NCS1: variants seen among roughly 807,000 people sequenced by gnomAD.
The protein encoded by NCS1 is neuronal calcium sensor 1.
A neutral mutation model predicts 28.4 loss-of-function variants in NCS1; 6 were observed. That is an observed-to-expected ratio of 0.21 (90% CI 0.12 to 0.42). The LOEUF (loss-of-function observed/expected upper bound fraction) is 0.42, where lower values mean the gene tolerates loss of function less well. NCS1 is among the 10% of genes least tolerant of loss of function. The pLI is 1.00. For synonymous variants in NCS1, 86 were observed against 99.3 expected, an observed-to-expected ratio of 0.87 and a Z score of 0.79; for missense variants, 131 against 241.4, an observed-to-expected ratio of 0.54 and a Z score of 3.03.
intron 6 of NCS1, among the ~76,000 whole-genome samples, chr9:130,225,085 G>A (rs1259674864): frequency 6.6e-6 from 1 of 152,158 alleles, no homozygotes. Flanking sequence ...CCAGCTACTC[G>A]GGAGGCTGAA....
Position 130,192,892 on chromosome 9 carries a change from T to C in NCS1, c.65-8066T>C, listed in dbSNP as rs1780747517. Among the ~76,000 whole-genome samples the C allele has an allele frequency of 6.6e-6, 1 of 152,180 alleles. No homozygotes were observed. The highest frequency in any genetic ancestry group is 1.5e-5 in the Non-Finnish European group (1 of 68,030). On this transcript the variant is annotated intron_variant, in intron 1 of 7. Transcript: ENST00000372398. The surrounding 1 kb of genome is among the most constrained non-coding windows in gnomAD (Gnocchi z 4.8). ...CTTTTCTGTCCTCCCCACCTCCCAG[T>C]GTGCGGTACTCCATGGTTGGCACAG...
intron 2 of NCS1, among the ~76,000 whole-genome samples, chr9:130,201,366 G>A (rs929956598): frequency 1.3e-5 from 2 of 152,158 alleles, no homozygotes; most frequent in African/African-American, 4.8e-5. Context: ...TAGAATGATC[G>A]ATTCGATTGG....
chr9:130,203,958 A>G (rs1832991825), intron 2 of NCS1, among the ~76,000 whole-genome samples: 2 of 152,182 alleles, frequency 1.3e-5, no homozygotes, highest in South Asian at 2.1e-4. Context: ...AGAACTGGGC[A>G]GGCTGAATTC....
At chr9:130,188,710 C>T (rs1234471595) in intron 1 of NCS1, among the ~76,000 whole-genome samples, 3 of 142,086 alleles carry the variant, frequency 2.1e-5, no homozygotes, top group Admixed American at 1.4e-4. Context: ...TGCGCCCAGC[C>T]TCTTTCCTTT....
At chr9:130,200,542 C>T in intron 1 of NCS1, 1 of 1,550,690 alleles carries the variant, frequency 6.4e-7, no homozygotes. Context: ...ATAGGTGGGG[C>T]AGCCGAGTGC....
chr9:130,201,393 G>A (rs553192891), intron 2 of NCS1, among the ~76,000 whole-genome samples: 3 of 152,300 alleles, frequency 2.0e-5, no homozygotes, highest in African/African-American at 4.8e-5. Context: ...GATGGCAAAT[G>A]GGTTTGCTCT....
At chr9:130,178,565 C>T (rs954987737) in intron 1 of NCS1, among the ~76,000 whole-genome samples, 11 of 152,080 alleles carry the variant, frequency 7.2e-5, no homozygotes, top group Non-Finnish European at 1.3e-4. Context: ...TCGAGTGGGC[C>T]GGGCCCATGT....
chr9:130,226,394 C>T lies in NCS1; in HGVS notation c.480C>T (p.Ala160=), dbSNP rs369600917. The change falls in exon 7 of 8, where the codon GCC becomes GCT. Residue 160 remains alanine, a synonymous_variant. Coordinates refer to ENST00000372398, the MANE Select transcript of NCS1 (RefSeq NM_014286.4). The surrounding 1 kb of genome is among the most constrained non-coding windows in gnomAD (Gnocchi z 4.8). ...CCGCCTCTCTCTGCTCACAGAATGC[C>T]GACGGGAAGCTGACCCTGCAGGAGT... The part of the protein sequence containing the change: ...DRIFAMMDKN[A]DGKLTLQEFQ... 102 of 1,613,846 alleles carry T rather than the reference C, an allele frequency of 6.3e-5. No homozygotes were observed. The highest frequency in any genetic ancestry group is 8.2e-5 in the Non-Finnish European group (97 of 1,179,926).
chr9:130,187,190 A>G lies in NCS1; in HGVS notation c.65-13768A>G, dbSNP rs542084587. ...ACCTGGGAGACGGGGGGCCCTGCCC[A>G]GGGAGGCACCGGCAGGTATCCCAGT... is the stretch of plus-strand genomic sequence containing the variant. On this transcript the variant is annotated intron_variant, in intron 1 of 7. Transcript: ENST00000372398. 2.0e-5 allele frequency among the ~76,000 whole-genome samples: 3 copies of G among 152,266 alleles called. No homozygotes were observed. The South Asian group carries it at 6.2e-4, about 32-fold the overall frequency.
intron 2 of NCS1, among the ~76,000 whole-genome samples, chr9:130,216,631 G>A (rs966841631): frequency 2.1e-4 from 32 of 151,684 alleles, no homozygotes; most frequent in Admixed American, 4.6e-4. Flanking sequence ...CAGGAGAATC[G>A]CTTGAACCCG....
In NCS1 at chr9:130,213,423, C is replaced by T. The variant is rs188396479; in HGVS notation, c.90-4409C>T. 3.0e-4 allele frequency among the ~76,000 whole-genome samples: 44 copies of T among 147,934 alleles called. 1 individual carries two copies. The East Asian group carries it at 3.3e-3, about 11-fold the overall frequency. Reference sequence around the variant, plus strand: ...CTCCTGAGTAGCTGGGACTTACAGGCGCCCGCCACCACGCCCGGCTAATTT... The same window carrying T: ...CTCCTGAGTAGCTGGGACTTACAGGTGCCCGCCACCACGCCCGGCTAATTT... On this transcript the variant is annotated intron_variant, in intron 2 of 7. Coordinates refer to ENST00000372398, the MANE Select transcript of NCS1 (RefSeq NM_014286.4).
rs3055582 is a variant in NCS1, at chr9:130,210,843, C to CTTTTTTTTT, written c.90-6984_90-6976dup. 3.6e-3 allele frequency among the ~76,000 whole-genome samples: 514 copies of CTTTTTTTTT among 141,016 alleles called. 4 individuals are homozygous for CTTTTTTTTT. The highest frequency in any genetic ancestry group is 0.028 in the South Asian group (119 of 4,320). 92.5% of individuals were successfully genotyped at this position (141,016 alleles called of 152,430 possible). A position where few individuals can be genotyped will look rare whatever the true frequency, so the allele number is the denominator to read the frequency against. On this transcript the variant is annotated intron_variant, in intron 2 of 7. Transcript: ENST00000372398. Reference sequence around the variant, plus strand: ...TTCAACACCTTTTTCTTTTTCTTTTCTTTTTTTTTTTTTGAGACAGGGTCT... The same window carrying CTTTTTTTTT: ...TTCAACACCTTTTTCTTTTTCTTTTCTTTTTTTTTTTTTTTTTTTTTTGAGACAGGGTCT...
At chr9:130,203,927 G>A (rs1369447669) in intron 2 of NCS1, among the ~76,000 whole-genome samples, 1 of 152,204 alleles carries the variant, frequency 6.6e-6, no homozygotes, top group Non-Finnish European at 1.5e-5. Flanking sequence ...AGACAGCAGA[G>A]TGGCTGGGAT....
chr9:130,217,766 T>G, intron 2 of NCS1, 66 bp from the exon 3 acceptor site: 5 of 1,605,758 alleles, frequency 3.1e-6, no homozygotes, highest in Non-Finnish European at 4.3e-6. Context: ...GGGCAGGCGA[T>G]GTTGGTGGTG....
intron 1 of NCS1, among the ~76,000 whole-genome samples, chr9:130,193,021 A>C (rs2131128554): frequency 6.6e-6 from 1 of 152,300 alleles, no homozygotes; most frequent in East Asian, 1.9e-4. Context: ...CAGGTCCCAC[A>C]AGAGACCACC....
At chr9:130,199,314 C>T (rs766617695) in intron 1 of NCS1, among the ~76,000 whole-genome samples, 5 of 152,170 alleles carry the variant, frequency 3.3e-5, no homozygotes, top group African/African-American at 1.2e-4. Context: ...AGGATGGTCT[C>T]GATCTCCTGA....
intron 1 of NCS1, among the ~76,000 whole-genome samples, chr9:130,187,412 C>T (rs1244461271): frequency 6.6e-6 from 1 of 152,156 alleles, no homozygotes; most frequent in African/African-American, 2.4e-5. Context: ...CTTAAAGGGC[C>T]AGAGCCGGAG....
chr9:130,198,252 T>G (rs1038197865), intron 1 of NCS1, among the ~76,000 whole-genome samples: 5 of 151,752 alleles, frequency 3.3e-5, no homozygotes, highest in Non-Finnish European at 5.9e-5. Context: ...TGGAGTGTAG[T>G]TGGGGGTGAG....
At chr9:130,221,784 AT>A (rs1355318561) in intron 4 of NCS1, among the ~76,000 whole-genome samples, 1 of 138,568 alleles carries the variant, frequency 7.2e-6, no homozygotes, top group Non-Finnish European at 1.5e-5. Flanking sequence ...ATAAATATAA[AT>A]TATGTATATA....
Sources: gnomAD v4.1 joint callset for allele counts (sites outside exome capture counted in the v4.1 genomes callset) on GRCh38, gnomAD v4.1.1 for gene constraint, Gnocchi (gnomAD v3.1) non-coding constraint, MANE v1.5 for transcripts, NCBI Gene and HGNC (gene_info 2026-07-23, HGNC 2026-07-21) for gene names.